NDFIP2: variants seen among roughly 807,000 people sequenced by gnomAD.
NDFIP2 encodes the protein Nedd4 family interacting protein 2.
A neutral mutation model predicts 36.0 loss-of-function variants in NDFIP2; 19 were observed. The observed-to-expected ratio is 0.53, with a 90% CI of 0.37 to 0.77. The LOEUF (loss-of-function observed/expected upper bound fraction) is 0.77, where lower values mean the gene tolerates loss of function less well. NDFIP2 is among the 30% of genes least tolerant of loss of function. The pLI, the probability that NDFIP2 is intolerant of heterozygous loss-of-function variation, is 0.00. For missense variants in NDFIP2, 446 were observed against 435.8 expected, an observed-to-expected ratio of 1.02 and a Z score of -0.21; for synonymous variants, 181 against 167.7, an observed-to-expected ratio of 1.08 and a Z score of -0.61.
At chr13:79,488,628 G>A (rs868291826) in intron 1 of NDFIP2, among the ~76,000 whole-genome samples, 15 of 152,066 alleles carry the variant, frequency 9.9e-5, no homozygotes, top group African/African-American at 3.6e-4. Context: ...TATCATTATT[G>A]ATTATGAAAC....
At chr13:79,517,041 C>T (rs1874374590) in intron 1 of NDFIP2, among the ~76,000 whole-genome samples, 1 of 152,150 alleles carries the variant, frequency 6.6e-6, no homozygotes, top group Non-Finnish European at 1.5e-5. Context: ...ATTAAAAATG[C>T]TCAGTATATA....
At chr13:79,506,185 C>T (rs1239657252) in intron 1 of NDFIP2, among the ~76,000 whole-genome samples, 1 of 151,994 alleles carries the variant, frequency 6.6e-6, no homozygotes, top group Non-Finnish European at 1.5e-5. Flanking sequence ...GGAAAAAATA[C>T]AGAAGAGTGA....
intron 2 of NDFIP2, among the ~76,000 whole-genome samples, chr13:79,525,230 A>G (rs1289094426): frequency 6.6e-6 from 1 of 152,158 alleles, no homozygotes; most frequent in African/African-American, 2.4e-5. Context: ...CAGTCGGAAC[A>G]TGTTTCTGCT....
At chr13:79,497,724 C>A (rs1374502497) in intron 1 of NDFIP2, among the ~76,000 whole-genome samples, 1 of 97,254 alleles carries the variant, frequency 1.0e-5, no homozygotes, top group African/African-American at 3.8e-5. Flanking sequence ...TTTTGTTTTT[C>A]TTTCATGTTG....
In NDFIP2 at chr13:79,553,273, T is replaced by G. The variant is rs865838807; in HGVS notation, c.*760T>G. The stretch of plus-strand genomic sequence containing the variant: ...GATAGAATTTGTTTTAGGACAAATT[T>G]TAAGAAAATGTGGGAATACCAAATG... On this transcript the variant is annotated 3_prime_UTR_variant, in exon 8 of 8. Transcript: ENST00000218652. 1 of 151,376 alleles carries G rather than the reference T, an allele frequency of 6.6e-6. No homozygotes were observed. The allele number at this position is 151,376 out of a possible 1,614,324, so 9.4% of individuals were successfully genotyped here.
At chr13:79,520,725 CTG>C in intron 1 of NDFIP2, 83 bp from the exon 2 acceptor site, 1 of 1,271,160 alleles carries the variant, frequency 7.9e-7, no homozygotes, top group Non-Finnish European at 1.0e-6. Context: ...AAAAGCGATA[CTG>C]TGTCTGAAAT....
intron 5 of NDFIP2, among the ~76,000 whole-genome samples, chr13:79,543,958 G>A (rs922352680): frequency 6.6e-6 from 1 of 151,838 alleles, no homozygotes; most frequent in African/African-American, 2.4e-5. Context: ...TTATTTAATT[G>A]TTCTGAGCAT....
chr13:79,515,674 G>A (rs1874281084), intron 1 of NDFIP2, among the ~76,000 whole-genome samples: 1 of 152,158 alleles, frequency 6.6e-6, no homozygotes, highest in Non-Finnish European at 1.5e-5. Context: ...AGTATGCTGA[G>A]CAGCACTATT....
At chr13:79,501,629 C>T (rs1339681593) in intron 1 of NDFIP2, among the ~76,000 whole-genome samples, 6 of 152,192 alleles carry the variant, frequency 3.9e-5, no homozygotes, top group East Asian at 1.9e-4. Context: ...TTAGATTTAG[C>T]GGCCAACTTT....
intron 1 of NDFIP2, among the ~76,000 whole-genome samples, chr13:79,490,390 G>A (rs191750597): frequency 1.1e-3 from 173 of 152,282 alleles, no homozygotes; most frequent in Non-Finnish European, 1.7e-3. Context: ...CATGTGACTA[G>A]AGTGATCACA....
intron 1 of NDFIP2, among the ~76,000 whole-genome samples, chr13:79,497,793 GGGGT>G (rs1379303331): frequency 0.017 from 1,540 of 92,902 alleles, 17 homozygotes; most frequent in Admixed American, 0.034. Context: ...TTATCTGTGG[GGGGT>G]GTGTGTGTGT....
intron 2 of NDFIP2, among the ~76,000 whole-genome samples, chr13:79,527,178 A>G (rs1470209707): frequency 6.6e-6 from 1 of 152,232 alleles, no homozygotes. Context: ...AACAAATGGA[A>G]GCATCACACA....
intron 1 of NDFIP2, among the ~76,000 whole-genome samples, chr13:79,487,713 A>G (rs1873069386): frequency 6.6e-6 from 1 of 152,104 alleles, no homozygotes; most frequent in Non-Finnish European, 1.5e-5. Flanking sequence ...TGCTGCTGTC[A>G]ATCTTTTTAA....
At chr13:79,505,731 G>A (rs1873839542) in intron 1 of NDFIP2, among the ~76,000 whole-genome samples, 1 of 151,818 alleles carries the variant, frequency 6.6e-6, no homozygotes, top group Admixed American at 6.6e-5. Flanking sequence ...TATACAGTGT[G>A]GCTAATAACT....
intron 4 of NDFIP2, among the ~76,000 whole-genome samples, chr13:79,541,162 G>A (rs546924031): frequency 1.3e-5 from 2 of 151,848 alleles, no homozygotes; most frequent in South Asian, 2.1e-4. Context: ...TAAATATATT[G>A]TATTATTTTT....
At chr13:79,490,505 T>C (rs1873184276) in intron 1 of NDFIP2, among the ~76,000 whole-genome samples, 1 of 152,098 alleles carries the variant, frequency 6.6e-6, no homozygotes, top group African/African-American at 2.4e-5. Context: ...AAGGGCTAGA[T>C]AGTATTTTAG....
At chr13:79,516,827 G>A (rs1874361947) in intron 1 of NDFIP2, among the ~76,000 whole-genome samples, 1 of 152,008 alleles carries the variant, frequency 6.6e-6, no homozygotes, top group African/African-American at 2.4e-5. Flanking sequence ...TCTTATCTTG[G>A]TTCTTTTAGA....
chr13:79,534,980 T>C, intron 3 of NDFIP2, among the ~76,000 whole-genome samples: 1 of 152,220 alleles, frequency 6.6e-6, no homozygotes, highest in Non-Finnish European at 1.5e-5. Context: ...AATTTATTTT[T>C]TATGCCTTTT....
intron 5 of NDFIP2, among the ~76,000 whole-genome samples, chr13:79,547,209 C>T (rs554410235): frequency 6.6e-6 from 1 of 152,040 alleles, no homozygotes; most frequent in East Asian, 1.9e-4. Flanking sequence ...TAAATGATAA[C>T]ATTATTTACA....
Sources: gnomAD v4.1 joint callset for allele counts (sites outside exome capture counted in the v4.1 genomes callset) on GRCh38, gnomAD v4.1.1 for gene constraint, MANE v1.5 for transcripts, NCBI Gene and HGNC (gene_info 2026-07-23, HGNC 2026-07-21) for gene names.